The following PCDHGA10 variants were observed in gnomAD, a reference collection of about 807,000 sequenced individuals.
PCDHGA10 encodes the protein protocadherin gamma-A10.
A neutral mutation model predicts 59.5 loss-of-function variants in PCDHGA10; 42 were observed. That is an observed-to-expected ratio of 0.71 (90% CI 0.55 to 0.91). The LOEUF is 0.91. PCDHGA10 is among the 40% of genes least tolerant of loss of function. The probability of loss-of-function intolerance (pLI) is 0.00; values close to 1 mark genes in which losing one functional copy is unlikely to be tolerated. For synonymous variants in PCDHGA10, 511 were observed against 517.2 expected (o/e 0.99, Z 0.16); for missense variants, 1,111 against 1,198.2 (o/e 0.93, Z 1.07).
At chr5:141,423,508 A>G (rs962526072) in intron 1 of PCDHGA10, 2 of 1,613,860 alleles carry the variant, frequency 1.2e-6, no homozygotes, top group African/African-American at 2.7e-5. Context: ...GGTCTCTCTC[A>G]TTGCGGACTC....
In PCDHGA10 at chr5:141,415,509, T is replaced by C. The variant is rs1296405723; in HGVS notation, c.2334T>C (p.Asn778=). The C allele has an allele frequency of 4.3e-6, 7 of 1,614,054 alleles. No individual in the cohort carries two copies. In the Admixed American group the frequency reaches 5.0e-5, roughly 12 times the overall value. The change falls in exon 1 of 4, where the codon AAT becomes AAC. Residue 778 remains asparagine (N), a synonymous_variant. Transcript: ENST00000398610. ...GTCACCTGATCTTCCCCCAGCCCAA[T>C]TATGCGGACACGCTCATCAGCCAGG... ...RKSHLIFPQP[N]YADTLISQES... is the part of the protein sequence containing the mutation.
At chr5:141,509,322 C>G (rs563556144) in intron 3 of PCDHGA10, among the ~76,000 whole-genome samples, 1 of 152,318 alleles carries the variant, frequency 6.6e-6, no homozygotes, top group East Asian at 1.9e-4. Flanking sequence ...GAGAGAAGCT[C>G]TACTGCCAGC....
chr5:141,481,913 C>CA (rs34114744), intron 1 of PCDHGA10, among the ~76,000 whole-genome samples: 1,134 of 90,654 alleles, frequency 0.013, 16 homozygotes, highest in East Asian at 0.053. Flanking sequence ...AACTCCATCT[C>CA]AAAAAAAAAA....
Position 141,476,870 on chromosome 5 carries a change from C to T in PCDHGA10, c.2437-17937C>T, listed in dbSNP as rs2099400432. 3 of 1,613,772 alleles carry T rather than the reference C, an allele frequency of 1.9e-6. No individual in the cohort carries two copies. Among genetic ancestry groups the T allele is most frequent in the South Asian group, 1.1e-5 (1 of 91,094 alleles). On this transcript the variant is annotated intron_variant, in intron 1 of 3. Coordinates refer to ENST00000398610, the MANE Select transcript of PCDHGA10 (RefSeq NM_018913.3). The surrounding 1 kb of genome is among the most constrained non-coding windows in gnomAD (Gnocchi z 7.6). ...CTTCAACCAGTCCTTGTACCGGGCGCGCGTCCTGGAGGATGCACCCTCCGG... is the reference window on the plus strand; with the variant it reads ...CTTCAACCAGTCCTTGTACCGGGCGTGCGTCCTGGAGGATGCACCCTCCGG...
At chr5:141,480,942 G>T (rs2099528600) in intron 1 of PCDHGA10, among the ~76,000 whole-genome samples, 3 of 152,132 alleles carry the variant, frequency 2.0e-5, no homozygotes, top group Non-Finnish European at 2.9e-5. Flanking sequence ...CTACTCTAGA[G>T]GCTGAGGCGG....
intron 1 of PCDHGA10, among the ~76,000 whole-genome samples, chr5:141,425,058 G>A (rs938128250): frequency 1.3e-5 from 2 of 151,986 alleles, no homozygotes; most frequent in African/African-American, 2.4e-5. Context: ...TCTAGGGCTC[G>A]GACAAAAATA....
chr5:141,419,656 G>C lies in PCDHGA10; in HGVS notation c.2436+4045G>C. The C allele has an allele frequency of 1.9e-6, 3 of 1,612,648 alleles. No homozygotes were observed. The East Asian group carries it at 6.7e-5, about 36-fold the overall frequency. ...TGGTGGCCGTGGACGCGGACTCGGGGCACAATGCCTGGCTGTCCTACCACG... is the reference window on the plus strand; with the variant it reads ...TGGTGGCCGTGGACGCGGACTCGGGCCACAATGCCTGGCTGTCCTACCACG... On this transcript the variant is annotated intron_variant, in intron 1 of 3. Transcript: ENST00000398610.
chr5:141,446,747 G>A (rs997132200), intron 1 of PCDHGA10, among the ~76,000 whole-genome samples: 10 of 152,190 alleles, frequency 6.6e-5, no homozygotes, highest in African/African-American at 1.4e-4. Context: ...GATTACAGGC[G>A]TGAGCCACCG....
chr5:141,468,939 G>A (rs2099186103), intron 1 of PCDHGA10, among the ~76,000 whole-genome samples: 1 of 144,350 alleles, frequency 6.9e-6, no homozygotes, highest in Non-Finnish European at 1.5e-5. Context: ...ATGGGAGATG[G>A]GGTAAACCTG....
At position 141,423,614 on chromosome 5, in the gene PCDHGA10, A is replaced by C. The variant is rs1365658002; in HGVS notation, c.2436+8003A>C. 8 of 1,610,406 alleles carry C rather than the reference A, an allele frequency of 5.0e-6. No homozygotes were observed. The highest frequency in any genetic ancestry group is 6.8e-6 in the Non-Finnish European group (8 of 1,178,132). ...AAAAGCGAGCCACTCTTGATAGCTG[A>C]AGACTCAGCTATCATTTTAGGCAAA... On this transcript the variant is annotated intron_variant, in intron 1 of 3. Transcript: ENST00000398610.
intron 2 of PCDHGA10, among the ~76,000 whole-genome samples, chr5:141,497,721 G>A (rs2099778948): frequency 6.6e-6 from 1 of 152,006 alleles, no homozygotes; most frequent in African/African-American, 2.4e-5. Flanking sequence ...TGTATTTTTA[G>A]TAGAGATGGG....
rs749007839 is a variant in PCDHGA10 at position 141,418,069 on chromosome 5, G to A, written c.2436+2458G>A. On this transcript the variant is annotated intron_variant, in intron 1 of 3. Coordinates refer to ENST00000398610, the MANE Select transcript of PCDHGA10 (RefSeq NM_018913.3). ...CGGCTCGCGAGCTGCGAGTGAGCGC[G>A]GAGAAGCTGCACTTCAGCGTAGACG... 1.7e-5 allele frequency: 28 copies of A among 1,613,926 alleles called. 1 individual carries two copies. The Middle Eastern group carries it at 9.9e-4, about 57-fold the overall frequency.
chr5:141,415,419 C>A lies in PCDHGA10; in HGVS notation c.2244C>A (p.Asp748Glu). 6.2e-7 allele frequency: 1 copy of A among 1,614,196 alleles called. No individual in the cohort carries two copies. Among genetic ancestry groups the A allele is most frequent in the East Asian group, 2.2e-5 (1 of 44,880 alleles). Reference sequence around the variant, plus strand: ...CCGGCTCGCACTTTGTGGGCGTGGACGGGGTTCGGGCTTTCCTGCAGACCT... The same window carrying A: ...CCGGCTCGCACTTTGTGGGCGTGGAAGGGGTTCGGGCTTTCCTGCAGACCT... ...GVSGSHFVGV[D>E]GVRAFLQTYS... The change falls in exon 1 of 4, where the codon GAC (aspartate) becomes GAA (glutamate). Residue 748 changes from aspartate (D) to glutamate (E), a missense_variant. Transcript: ENST00000398610.
chr5:141,471,747 T>A (rs2099263878), intron 1 of PCDHGA10, among the ~76,000 whole-genome samples: 1 of 152,200 alleles, frequency 6.6e-6, no homozygotes, highest in African/African-American at 2.4e-5. Context: ...ACATAACATA[T>A]TTGAGGGTGT....
intron 1 of PCDHGA10, among the ~76,000 whole-genome samples, chr5:141,444,758 T>C (rs1430492886): frequency 1.3e-5 from 2 of 152,262 alleles, no homozygotes; most frequent in East Asian, 3.8e-4. Flanking sequence ...TATGTAGTTC[T>C]ATTTCTATAT....
At chr5:141,500,355 C>G (rs539892249) in intron 2 of PCDHGA10, among the ~76,000 whole-genome samples, 2 of 151,912 alleles carry the variant, frequency 1.3e-5, no homozygotes, top group Non-Finnish European at 2.9e-5. Flanking sequence ...ACTACAGGCG[C>G]CCACTACCAC....
At chr5:141,443,792 A>G (rs540226154) in intron 1 of PCDHGA10, among the ~76,000 whole-genome samples, 67 of 152,366 alleles carry the variant, frequency 4.4e-4, no homozygotes, top group African/African-American at 1.4e-3. Flanking sequence ...AAAAAAAATG[A>G]AAAGGAAACA....
chr5:141,453,101 T>TTTCTG (rs1554138035), intron 1 of PCDHGA10, among the ~76,000 whole-genome samples: 1 of 152,012 alleles, frequency 6.6e-6, no homozygotes, highest in Non-Finnish European at 1.5e-5. Context: ...TTCTGTTGCT[T>TTTCTG]TTTTGTTTTG....
At chr5:141,457,475 G>T (rs1203288452) in intron 1 of PCDHGA10, among the ~76,000 whole-genome samples, 1 of 152,142 alleles carries the variant, frequency 6.6e-6, no homozygotes, top group East Asian at 1.9e-4. Flanking sequence ...AATAAGCAGG[G>T]CCAGGGTTAG....
Sources: gnomAD v4.1 joint callset for allele counts (sites outside exome capture counted in the v4.1 genomes callset) on GRCh38, gnomAD v4.1.1 for gene constraint, Gnocchi (gnomAD v3.1) non-coding constraint, MANE v1.5 for transcripts, NCBI Gene and HGNC (gene_info 2026-07-23, HGNC 2026-07-21) for gene names.